Variants in GLIS3 observed in about 807,000 individuals in gnomAD.
GLIS3 encodes the protein zinc finger protein GLIS3.
GLIS3 carries 53 observed loss-of-function variants against 78.6 expected under a neutral mutation model. The ratio of observed to expected loss-of-function variants is 0.67; its 90% CI spans 0.54 to 0.85. The LOEUF is 0.85. Ranked by LOEUF, GLIS3 falls within the 40% of genes least tolerant of loss-of-function variation. The probability of loss-of-function intolerance (pLI) is 0.00; values close to 1 mark genes in which losing one functional copy is unlikely to be tolerated. For synonymous variants in GLIS3, 684 were observed against 509.9 expected (o/e 1.34, Z -4.60); for missense variants, 1,703 against 1,231.1 (o/e 1.38, Z -5.74).
chr9:4,404,629 G>C, the GLIS3 span, among the ~76,000 whole-genome samples: 16 of 152,174 alleles, frequency 1.1e-4, no homozygotes, highest in Non-Finnish European at 1.0e-4. Flanking sequence ...CTGTGAGTCA[G>C]TGAAGAAATT....
intron 4 of GLIS3, among the ~76,000 whole-genome samples, chr9:4,112,670 C>A (rs866726829): frequency 6.6e-6 from 1 of 152,132 alleles, no homozygotes. Context: ...AGATCAATTT[C>A]TCTAGGCTTT....
At chr9:4,315,153 G>A (rs1271546516) in intron 2 of GLIS3, among the ~76,000 whole-genome samples, 1 of 152,212 alleles carries the variant, frequency 6.6e-6, no homozygotes, top group Non-Finnish European at 1.5e-5. Context: ...TTGGATCTCA[G>A]TTAATTTGGG....
chr9:3,869,583 A>G (rs1269296642), intron 8 of GLIS3, among the ~76,000 whole-genome samples: 2 of 152,248 alleles, frequency 1.3e-5, no homozygotes, highest in East Asian at 3.8e-4. Flanking sequence ...CAAGATGGGA[A>G]GAACTTCCAG....
chr9:4,037,125 T>A (rs1824383432), intron 4 of GLIS3, among the ~76,000 whole-genome samples: 2 of 152,172 alleles, frequency 1.3e-5, no homozygotes, highest in South Asian at 4.1e-4. Context: ...TTACCTTCCT[T>A]ACTGAATACT....
At chr9:4,022,877 A>T (rs904013316) in intron 4 of GLIS3, among the ~76,000 whole-genome samples, 1 of 152,212 alleles carries the variant, frequency 6.6e-6, no homozygotes, top group Non-Finnish European at 1.5e-5. Context: ...ATCTACAGTG[A>T]CAAAACCCAG....
chr9:4,139,724 G>C (rs1238645766), intron 2 of GLIS3, among the ~76,000 whole-genome samples: 1 of 152,162 alleles, frequency 6.6e-6, no homozygotes, highest in Admixed American at 6.5e-5. Context: ...AGATCATCAG[G>C]CATTATAATT....
intron 2 of GLIS3, among the ~76,000 whole-genome samples, chr9:4,146,561 T>C (rs7021850): frequency 0.033 from 5,013 of 152,238 alleles, 290 homozygotes; most frequent in African/African-American, 0.12. Flanking sequence ...CCCAAGTATG[T>C]GCTCACAAAT....
intron 2 of GLIS3, among the ~76,000 whole-genome samples, chr9:4,266,347 T>A (rs1338866134): frequency 2.0e-5 from 3 of 152,108 alleles, no homozygotes; most frequent in Non-Finnish European, 4.4e-5. Context: ...GTGCCTCCAA[T>A]GGACCCCTCT....
At chr9:4,343,932 G>A (rs1348458269) in intron 2 of GLIS3, among the ~76,000 whole-genome samples, 3 of 152,042 alleles carry the variant, frequency 2.0e-5, no homozygotes, top group African/African-American at 7.3e-5. Flanking sequence ...GAGGGTGGGA[G>A]GAGGGTGAGG....
upstream of GLIS3, among the ~76,000 whole-genome samples, chr9:4,351,513 C>A (rs1165520647): frequency 9.4e-5 from 14 of 149,570 alleles, no homozygotes; most frequent in African/African-American, 3.6e-4. Context: ...ACAAAAATAT[C>A]TTTCTCTAAG....
intron 2 of GLIS3, among the ~76,000 whole-genome samples, chr9:4,264,676 T>C (rs905605279): frequency 1.3e-5 from 2 of 152,164 alleles, no homozygotes; most frequent in Non-Finnish European, 2.9e-5. Flanking sequence ...CTAAATGTCC[T>C]TTCTACAATA....
the GLIS3 span, among the ~76,000 whole-genome samples, chr9:4,471,466 T>A: frequency 6.6e-6 from 1 of 152,094 alleles, no homozygotes; most frequent in African/African-American, 2.4e-5. Context: ...TCTACAATCA[T>A]CTGATATTTG....
upstream of GLIS3, among the ~76,000 whole-genome samples, chr9:4,303,517 C>T (rs7018850): frequency 0.78 from 118,262 of 152,152 alleles, 48,968 homozygotes; most frequent in South Asian, 0.94. Flanking sequence ...TCAGCCCAAA[C>T]TCTTCGGCTC....
chr9:4,072,105 T>G (rs1827662455), intron 4 of GLIS3, among the ~76,000 whole-genome samples: 1 of 152,222 alleles, frequency 6.6e-6, no homozygotes, highest in African/African-American at 2.4e-5. Flanking sequence ...GGATGTCTTC[T>G]TAAATCATGA....
At chr9:4,277,863 T>C (rs933983723) in intron 2 of GLIS3, among the ~76,000 whole-genome samples, 2 of 152,150 alleles carry the variant, frequency 1.3e-5, no homozygotes, top group Non-Finnish European at 2.9e-5. Context: ...TGAGTAACTG[T>C]TGGAGCAGGA....
intron 2 of GLIS3, among the ~76,000 whole-genome samples, chr9:4,316,816 T>A (rs12377082): frequency 6.6e-6 from 1 of 152,016 alleles, no homozygotes; most frequent in Non-Finnish European, 1.5e-5. Flanking sequence ...TAAAAATGTA[T>A]GCATAGCTCA....
the GLIS3 span, among the ~76,000 whole-genome samples, chr9:4,425,585 T>G: frequency 6.6e-6 from 1 of 152,162 alleles, no homozygotes; most frequent in African/African-American, 2.4e-5. Context: ...GTGACTCCAG[T>G]GGGTTGGGTT....
intron 2 of GLIS3, among the ~76,000 whole-genome samples, chr9:4,259,943 C>T (rs1825349193): frequency 1.3e-5 from 2 of 152,206 alleles, no homozygotes; most frequent in South Asian, 2.1e-4. Context: ...GAGTTATTTT[C>T]ACCAGCAGAC....
In GLIS3 at chr9:4,059,829, T is replaced by TGTGTGTGTGTGTGTGAGA; in HGVS notation, c.1710+57938_1710+57939insTCTCACACACACACACAC. ...TTGTGTGTGTGTGTGTGTGTGTGTG[T>TGTGTGTGTGTGTGTGAGA]GAGAGAGAGAGAGAGAGAGAGAGAG... On this transcript the variant is annotated intron_variant, in intron 4 of 10. Coordinates refer to ENST00000381971, the MANE Select transcript of GLIS3 (RefSeq NM_001042413.2). 2.1e-3 allele frequency among the ~76,000 whole-genome samples: 210 copies of TGTGTGTGTGTGTGTGAGA among 100,708 alleles called. 2 individuals carry two copies. The highest frequency in any genetic ancestry group is 6.3e-3 in the Middle Eastern group (1 of 158). 66.1% of individuals were successfully genotyped at this position (100,708 alleles called of 152,430 possible). A position where few individuals can be genotyped will look rare whatever the true frequency, so the allele number is the denominator to read the frequency against.
Sources: gnomAD v4.1 joint callset for allele counts (sites outside exome capture counted in the v4.1 genomes callset) on GRCh38, gnomAD v4.1.1 for gene constraint, MANE v1.5 for transcripts, NCBI Gene and HGNC (gene_info 2026-07-23, HGNC 2026-07-21) for gene names.